Variants in LYPLA1 observed in about 807,000 individuals in gnomAD.
LYPLA1 encodes the protein lysophospholipase 1.
LYPLA1 carries 17 observed loss-of-function variants against 34.0 expected under a neutral mutation model. The ratio of observed to expected loss-of-function variants is 0.50; its 90% confidence interval spans 0.34 to 0.75. LYPLA1 has a LOEUF of 0.75. LYPLA1 is among the 30% of genes least tolerant of loss of function. The probability of loss-of-function intolerance (pLI) is 0.01; values close to 1 mark genes in which losing one functional copy is unlikely to be tolerated. For synonymous variants in LYPLA1, 98 were observed against 100.8 expected (o/e 0.97, Z 0.17); for missense variants, 203 against 288.8 (o/e 0.70, Z 2.15).
At chr8:54,087,499 GAAAC>G (rs558301990) in intron 2 of LYPLA1, among the ~76,000 whole-genome samples, 3 of 152,270 alleles carry the variant, frequency 2.0e-5, no homozygotes, top group Middle Eastern at 3.4e-3. Context: ...TACTCTGTCT[GAAAC>G]AAACAAACAA....
Position 54,047,271 on chromosome 8 carries a change from CATAA to C in LYPLA1, c.*790_*793del, listed in dbSNP as rs1805539072. On this transcript the variant is annotated 3_prime_UTR_variant, in exon 9 of 9. Transcript: ENST00000316963. ...TTTAATGTCTGGTTTCTCTATAAAG[CATAA>C]ATAGATTTTAAATACCTTATATCTG... 1 of 152,066 alleles carries C rather than the reference CATAA, an allele frequency of 6.6e-6. No individual in the cohort carries two copies. The highest frequency in any genetic ancestry group is 2.1e-4 in the South Asian group (1 of 4,824). 9.4% of individuals were successfully genotyped at this position (152,066 alleles called of 1,614,324 possible).
intron 5 of LYPLA1, among the ~76,000 whole-genome samples, chr8:54,061,065 T>C (rs1806587660): frequency 6.6e-6 from 1 of 152,056 alleles, no homozygotes; most frequent in South Asian, 2.1e-4. Context: ...GTCTCTTTAA[T>C]GAAGATAACT....
chr8:54,079,197 C>T (rs543126191), intron 2 of LYPLA1, among the ~76,000 whole-genome samples: 100 of 152,184 alleles, frequency 6.6e-4, no homozygotes, highest in African/African-American at 2.4e-3. Flanking sequence ...CGAGGCTGGT[C>T]TTGAACTCCT....
intron 2 of LYPLA1, among the ~76,000 whole-genome samples, chr8:54,075,872 C>T (rs1314180843): frequency 6.6e-6 from 1 of 152,132 alleles, no homozygotes; most frequent in Non-Finnish European, 1.5e-5. Context: ...AGGAAGATTG[C>T]ACTGCAGAAC....
intron 2 of LYPLA1, among the ~76,000 whole-genome samples, chr8:54,071,125 A>G (rs1414958379): frequency 6.6e-6 from 1 of 152,230 alleles, no homozygotes; most frequent in Non-Finnish European, 1.5e-5. Context: ...AATATGCAGA[A>G]CTGAAGGCTG....
chr8:54,062,204 TA>T, intron 5 of LYPLA1, 49 bp downstream of exon 5: 1 of 1,316,774 alleles, frequency 7.6e-7, no homozygotes, highest in East Asian at 2.5e-5. Flanking sequence ...CTAAATCTAC[TA>T]AAAACATTTA....
chr8:54,098,100 G>A (rs1028880542), intron 2 of LYPLA1, among the ~76,000 whole-genome samples: 5 of 152,080 alleles, frequency 3.3e-5, no homozygotes, highest in Admixed American at 3.3e-4. Context: ...GTGCACGCCT[G>A]TAGTCCCAGC....
At chr8:54,064,725 C>G (rs184381995) in intron 3 of LYPLA1, among the ~76,000 whole-genome samples, 2 of 152,184 alleles carry the variant, frequency 1.3e-5, no homozygotes, top group Admixed American at 6.5e-5. Context: ...TTCTCAGCAA[C>G]TTTTTGACCT....
At chr8:54,100,479 G>A (rs183091230) in intron 2 of LYPLA1, 77 of 164,142 alleles carry the variant, frequency 4.7e-4, no homozygotes, top group Non-Finnish European at 7.6e-4. Flanking sequence ...CAACTCATTA[G>A]AGTGAACATC....
intron 2 of LYPLA1, chr8:54,073,113 T>C (rs749707328): frequency 6.3e-5 from 43 of 685,696 alleles, no homozygotes; most frequent in Admixed American, 9.9e-5. Flanking sequence ...ATCAGGAACT[T>C]GCGCGTCCAT....
chr8:54,099,759 C>T (rs1303624369), intron 2 of LYPLA1, among the ~76,000 whole-genome samples: 5 of 151,946 alleles, frequency 3.3e-5, no homozygotes, highest in African/African-American at 1.2e-4. Context: ...TCTTGGCTCA[C>T]TGAAGCCTCT....
Position 54,101,883 on chromosome 8 carries a change from G to A in LYPLA1, c.-60C>T, listed in dbSNP as rs969015952. The A allele has an allele frequency of 2.5e-4, 271 of 1,082,362 alleles. No homozygotes were observed. Among genetic ancestry groups the A allele is most frequent in the Non-Finnish European group, 2.9e-4 (250 of 857,570 alleles). The allele number at this position is 1,082,362 out of a possible 1,614,324, so 67.0% of individuals were successfully genotyped here. On this transcript the variant is annotated 5_prime_UTR_variant, in exon 1 of 9. Transcript: ENST00000316963. ...GAGCGGGCGCCCGGCCGCGGCCCAA[G>A]GGCGTGCGAGCGGCGAGTCCCGGCC...
chr8:54,074,720 C>G (rs1309339531), intron 2 of LYPLA1, among the ~76,000 whole-genome samples: 1 of 152,238 alleles, frequency 6.6e-6, no homozygotes, highest in Non-Finnish European at 1.5e-5. Flanking sequence ...CAGTCCTCAT[C>G]TTTTACAGGA....
chr8:54,088,519 G>A (rs1808970308), intron 2 of LYPLA1, among the ~76,000 whole-genome samples: 1 of 152,194 alleles, frequency 6.6e-6, no homozygotes, highest in Admixed American at 6.5e-5. Context: ...CTTGGCAGAA[G>A]TGTAAAAAAG....
At chr8:54,085,766 G>C (rs1454472774) in intron 2 of LYPLA1, among the ~76,000 whole-genome samples, 1 of 35,502 alleles carries the variant, frequency 2.8e-5, no homozygotes, top group Admixed American at 2.8e-4. Context: ...AGTTAGGTGG[G>C]GGGGCAGCCC....
At chr8:54,085,506 C>T (rs573179326) in intron 2 of LYPLA1, among the ~76,000 whole-genome samples, 5 of 151,840 alleles carry the variant, frequency 3.3e-5, no homozygotes, top group Admixed American at 2.0e-4. Context: ...CACCTCTTCC[C>T]GGCCGTCATC....
chr8:54,044,598 G>A (rs1031813837), downstream of LYPLA1, among the ~76,000 whole-genome samples: 16 of 151,916 alleles, frequency 1.1e-4, no homozygotes, highest in Non-Finnish European at 5.9e-5. Context: ...GGGTGGAAGG[G>A]GCCAGATTTT....
At chr8:54,059,787 T>C (rs912948888) in intron 5 of LYPLA1, among the ~76,000 whole-genome samples, 7 of 152,148 alleles carry the variant, frequency 4.6e-5, no homozygotes, top group African/African-American at 1.7e-4. Context: ...CCAGGCATGG[T>C]GGCACATGCC....
At chr8:54,075,421 C>T (rs1353292797) in intron 2 of LYPLA1, among the ~76,000 whole-genome samples, 3 of 152,210 alleles carry the variant, frequency 2.0e-5, no homozygotes, top group Non-Finnish European at 4.4e-5. Context: ...GACCCGGGAG[C>T]ATCCCGAGGG....
Sources: gnomAD v4.1 joint callset for allele counts (sites outside exome capture counted in the v4.1 genomes callset) on GRCh38, gnomAD v4.1.1 for gene constraint, MANE v1.5 for transcripts, NCBI Gene and HGNC (gene_info 2026-07-23, HGNC 2026-07-21) for gene names.